BIVM: variants seen among roughly 807,000 people sequenced by gnomAD.
The protein encoded by BIVM is basic, immunoglobulin-like variable motif containing.
Under a neutral mutation model 61.4 loss-of-function variants are expected in BIVM, and 31 were observed. The ratio of observed to expected loss-of-function variants is 0.51; its 90% CI spans 0.38 to 0.68. BIVM has a LOEUF of 0.68. Among genes scored for constraint, BIVM ranks in the 30% least tolerant of loss-of-function variants. The pLI, the probability that BIVM is intolerant of heterozygous loss-of-function variation, is 0.00. For synonymous variants in BIVM, 189 were observed against 210.7 expected (o/e 0.90, Z 0.89); for missense variants, 526 against 596.0 (o/e 0.88, Z 1.22).
chr13:102,835,527 G>A (rs1881406543), intron 9 of BIVM, among the ~76,000 whole-genome samples: 1 of 152,002 alleles, frequency 6.6e-6, no homozygotes, highest in African/African-American at 2.4e-5. Flanking sequence ...GCCTATTCTT[G>A]TTTGTTTGTT....
In BIVM at chr13:102,831,440, C is replaced by T; in HGVS notation, c.902-125C>T. The T allele has an allele frequency of 4.3e-6, 6 of 1,406,146 alleles. No individual in the cohort carries two copies. The East Asian group carries it at 1.2e-4, about 27-fold the overall frequency. The allele number at this position is 1,406,146 out of a possible 1,614,324, so 87.1% of individuals were successfully genotyped here. A position where few individuals can be genotyped will look rare whatever the true frequency, so the allele number is the denominator to read the frequency against. Reference sequence around the variant, plus strand: ...ACCTATCAATAGCTTCTTGTTTTTCCCCAGCAGTGTCAGTGTATTCCAAGT... The same window carrying T: ...ACCTATCAATAGCTTCTTGTTTTTCTCCAGCAGTGTCAGTGTATTCCAAGT... On this transcript the variant is annotated intron_variant, in intron 7 of 10. Transcript: ENST00000257336.
rs377649836 is a variant in BIVM at position 102,831,591 on chromosome 13, C to T, written c.928C>T (p.Arg310Cys). 19 of 1,613,932 alleles carry T rather than the reference C, an allele frequency of 1.2e-5. No homozygotes were observed. The highest frequency in any genetic ancestry group is 5.3e-5 in the African/African-American group (4 of 74,874). ...TASGALSKLT[R>C]GLKDESLAYI... is the part of the protein sequence containing the mutation. ...TTCAGGGGCCCTGTCAAAGTTAACC[C>T]GTGGATTGAAAGATGAATCGCTGGC... Residue 310 changes from arginine (R) to cysteine (C), a missense_variant, in exon 8 of 11, where the codon CGT becomes TGT. By Grantham distance (180) the Arg-to-Cys change is radical (BLOSUM62 -3). Coordinates refer to ENST00000257336, the MANE Select transcript of BIVM (RefSeq NM_017693.4).
At position 102,804,548 on chromosome 13, in the gene BIVM, T is replaced by C. The variant is rs111961224; in HGVS notation, c.-206-759T>C. Among the ~76,000 whole-genome samples, 1,248 of 152,254 alleles carry C rather than the reference T, an allele frequency of 8.2e-3. 25 individuals carry two copies. The highest frequency in any genetic ancestry group is 0.029 in the African/African-American group (1,193 of 41,546). On this transcript the variant is annotated intron_variant, in intron 1 of 10. Coordinates refer to ENST00000257336, the MANE Select transcript of BIVM (RefSeq NM_017693.4). ...AGGCTGGTCTCGAACTCTGACCTCA[T>C]GATCCACCCGCCTCGGCCTCCTACA...
intron 9 of BIVM, among the ~76,000 whole-genome samples, chr13:102,837,766 C>T (rs181965589): frequency 7.9e-5 from 12 of 152,262 alleles, no homozygotes; most frequent in Non-Finnish European, 1.3e-4. Context: ...TGGGTGGAGC[C>T]GGAGGCCGTT....
At chr13:102,828,093 G>A (rs964461187) in intron 7 of BIVM, among the ~76,000 whole-genome samples, 1 of 152,136 alleles carries the variant, frequency 6.6e-6, no homozygotes, top group Non-Finnish European at 1.5e-5. Context: ...GGGACTCCCC[G>A]GTGCTTATGT....
rs987029160 is a variant in BIVM, at chr13:102,803,601, C to T, written c.-206-1706C>T. On this transcript the variant is annotated intron_variant, in intron 1 of 10. Transcript: ENST00000257336. ...GAAGGAAGCCCTGGGAAAGTGGAAGCCAAGTCTGAGATGAGGATATAAAAG... is the reference window on the plus strand; with the variant it reads ...GAAGGAAGCCCTGGGAAAGTGGAAGTCAAGTCTGAGATGAGGATATAAAAG... 1.8e-4 allele frequency among the ~76,000 whole-genome samples: 27 copies of T among 152,100 alleles called. 1 individual carries two copies.
chr13:102,834,939 A>G (rs1202609961), intron 9 of BIVM, among the ~76,000 whole-genome samples: 1 of 152,086 alleles, frequency 6.6e-6, no homozygotes, highest in East Asian at 1.9e-4. Flanking sequence ...GCATGCTGCA[A>G]TTTGTTTTCC....
chr13:102,838,451 C>T (rs761767162), intron 9 of BIVM, among the ~76,000 whole-genome samples, 192 bp from the exon 10 acceptor site: 17 of 152,106 alleles, frequency 1.1e-4, no homozygotes, highest in Non-Finnish European at 2.2e-4. Context: ...ACCTTGGCAA[C>T]GGTTGGATAA....
intron 8 of BIVM, among the ~76,000 whole-genome samples, chr13:102,833,350 C>T (rs1881251785): frequency 4.7e-5 from 1 of 21,146 alleles, no homozygotes; most frequent in East Asian, 1.4e-3. Context: ...TTTTTTGAGA[C>T]AAGGCCTTGC....
chr13:102,837,501 C>G (rs1384652280), intron 9 of BIVM, among the ~76,000 whole-genome samples: 1 of 152,064 alleles, frequency 6.6e-6, no homozygotes, highest in Non-Finnish European at 1.5e-5. Flanking sequence ...TATGGAGATT[C>G]CTTAAAGAAC....
At chr13:102,820,883 A>C (rs556339295) in intron 4 of BIVM, 154 bp from the exon 5 acceptor site, 64 of 645,892 alleles carry the variant, frequency 9.9e-5, no homozygotes, top group East Asian at 7.6e-4. Flanking sequence ...TATATTTATG[A>C]CATGATTAAT....
At chr13:102,814,381 C>T (rs571621218) in intron 3 of BIVM, among the ~76,000 whole-genome samples, 2 of 152,028 alleles carry the variant, frequency 1.3e-5, no homozygotes, top group East Asian at 1.9e-4. Flanking sequence ...TCATTTGGGC[C>T]GTATATGCTA....
chr13:102,811,586 C>T (rs577862323), intron 3 of BIVM, among the ~76,000 whole-genome samples: 28 of 152,350 alleles, frequency 1.8e-4, no homozygotes, highest in African/African-American at 5.3e-4. Flanking sequence ...TGCAATGGCA[C>T]GATCTTGGCT....
chr13:102,840,153 T>A lies in BIVM; in HGVS notation c.*288T>A. ...AAATTACAACTGTTGTCTAAATAAGTGAAACACAAATTCACTTAATAGCAT... is the reference window on the plus strand; with the variant it reads ...AAATTACAACTGTTGTCTAAATAAGAGAAACACAAATTCACTTAATAGCAT... On this transcript the variant is annotated 3_prime_UTR_variant, in exon 11 of 11. Coordinates refer to ENST00000257336, the MANE Select transcript of BIVM (RefSeq NM_017693.4). The A allele has an allele frequency of 3.7e-6, 1 of 271,836 alleles. No individual in the cohort carries two copies. The highest frequency in any genetic ancestry group is 6.9e-6 in the Non-Finnish European group (1 of 145,894). 16.8% of individuals were successfully genotyped at this position (271,836 alleles called of 1,614,324 possible).
intron 9 of BIVM, among the ~76,000 whole-genome samples, chr13:102,836,690 G>C (rs1003890682): frequency 2.6e-5 from 4 of 152,088 alleles, no homozygotes; most frequent in African/African-American, 9.7e-5. Flanking sequence ...AGTTATTCTA[G>C]CACTATTTGT....
intron 9 of BIVM, among the ~76,000 whole-genome samples, chr13:102,836,349 A>G (rs1037528348): frequency 6.6e-6 from 1 of 152,132 alleles, no homozygotes; most frequent in Non-Finnish European, 1.5e-5. Flanking sequence ...GTCTCTCTCT[A>G]TCACCCAGGC....
At chr13:102,837,888 G>A (rs1490420570) in intron 9 of BIVM, among the ~76,000 whole-genome samples, 1 of 152,070 alleles carries the variant, frequency 6.6e-6, no homozygotes, top group African/African-American at 2.4e-5. Context: ...ATGGACTTTG[G>A]GGACTCCTGA....
chr13:102,804,655 T>G (rs943723837), intron 1 of BIVM, among the ~76,000 whole-genome samples: 1 of 151,818 alleles, frequency 6.6e-6, no homozygotes. Context: ...AGATGGGGTT[T>G]CACCATATTG....
intron 7 of BIVM, among the ~76,000 whole-genome samples, chr13:102,824,508 C>G (rs577271729): frequency 6.6e-6 from 1 of 152,292 alleles, no homozygotes; most frequent in African/African-American, 2.4e-5. Flanking sequence ...CCTAGAGGAG[C>G]AGTAGTTGGC....
Sources: allele counts gnomAD v4.1 joint callset (sites outside exome capture counted in the v4.1 genomes callset), GRCh38; gene constraint gnomAD v4.1.1; transcripts MANE v1.5; gene names NCBI Gene and HGNC (gene_info 2026-07-23, HGNC 2026-07-21).